Variants in SYN2 observed in about 807,000 individuals in gnomAD.
SYN2 encodes synapsin-2.
Under a neutral mutation model 50.9 loss-of-function variants are expected in SYN2, and 19 were observed. That is an observed-to-expected ratio of 0.37 (90% CI 0.26 to 0.55). SYN2 has a LOEUF of 0.55. SYN2 is among the 20% of genes least tolerant of loss of function. SYN2 has a pLI of 0.81. For missense variants in SYN2, 587 were observed against 576.4 expected, an observed-to-expected ratio of 1.02 and a Z score of -0.19; for synonymous variants, 255 against 224.9, an observed-to-expected ratio of 1.13 and a Z score of -1.20.
intron 1 of SYN2, among the ~76,000 whole-genome samples, chr3:12,047,103 T>C (rs769648168): frequency 1.3e-5 from 2 of 152,158 alleles, no homozygotes; most frequent in Non-Finnish European, 2.9e-5. Context: ...ATATTAATGT[T>C]CCAATTATGT....
chr3:12,055,950 C>A (rs1694979200), intron 1 of SYN2, among the ~76,000 whole-genome samples: 1 of 152,144 alleles, frequency 6.6e-6, no homozygotes, highest in Admixed American at 6.5e-5. Context: ...GGAGTCTGAT[C>A]AAGCCTCTGC....
rs780525698 is a variant in SYN2 at position 12,141,908 on chromosome 3, G to A, written c.439G>A (p.Glu147Lys). The change falls in exon 3 of 13, where the codon GAA (glutamate) becomes AAA (lysine). Residue 147 changes from glutamate (E) to lysine (K), a missense_variant. By Grantham distance (56) the Glu-to-Lys change is moderately conservative. Coordinates refer to ENST00000621198, the MANE Select transcript of SYN2 (RefSeq NM_133625.6). ...GDYDIKVEQA[E>K]FSELNLVAHA... Reference sequence around the variant, plus strand: ...TTCCCCTGTTATTATTTTCCAGGCAGAATTTTCAGAGCTCAACCTGGTGGC... The same window carrying A: ...TTCCCCTGTTATTATTTTCCAGGCAAAATTTTCAGAGCTCAACCTGGTGGC... 1 of 780,860 alleles carries A rather than the reference G, an allele frequency of 1.3e-6. No homozygotes were observed. Among genetic ancestry groups the A allele is most frequent in the African/African-American group, 1.7e-5 (1 of 59,266 alleles). 48.4% of individuals were successfully genotyped at this position (780,860 alleles called of 1,614,324 possible). A position where few individuals can be genotyped will look rare whatever the true frequency, so the allele number is the denominator to read the frequency against.
chr3:12,018,107 C>T (rs1574888741), intron 1 of SYN2, among the ~76,000 whole-genome samples: 1 of 152,038 alleles, frequency 6.6e-6, no homozygotes, highest in South Asian at 2.1e-4. Context: ...GCTCAAATAG[C>T]CAGGAAGTGA....
intron 5 of SYN2, chr3:12,153,206 A>G (rs1697355253): frequency 1.3e-5 from 6 of 455,104 alleles, no homozygotes; most frequent in Middle Eastern, 6.2e-4. Context: ...AAGACAAAGG[A>G]AAACACATAT....
intron 3 of SYN2, among the ~76,000 whole-genome samples, chr3:12,143,310 G>T (rs961284310): frequency 5.9e-5 from 9 of 152,034 alleles, no homozygotes; most frequent in Non-Finnish European, 1.3e-4. Context: ...AGATTGAGGG[G>T]ATTCATGTAC....
rs960442647 is a variant in SYN2 at position 12,085,389 on chromosome 3, G to A, written c.378-55262G>A. Among the ~76,000 whole-genome samples the A allele has an allele frequency of 2.7e-5, 4 of 148,896 alleles. No individual in the cohort carries two copies. The East Asian group carries it at 5.8e-4, about 22-fold the overall frequency. On this transcript the variant is annotated intron_variant, in intron 1 of 12. Coordinates refer to ENST00000621198, the MANE Select transcript of SYN2 (RefSeq NM_133625.6). ...CACACACACACACACACGCACGCAC[G>A]CACGCACTCGATGTCAGAGCACCTA...
chr3:12,123,456 T>C (rs1418192910), intron 1 of SYN2, among the ~76,000 whole-genome samples: 1 of 152,138 alleles, frequency 6.6e-6, no homozygotes, highest in African/African-American at 2.4e-5. Flanking sequence ...ATTTTCTACT[T>C]AGTTAAGCCT....
chr3:12,099,887 C>T (rs1362636759), intron 1 of SYN2, among the ~76,000 whole-genome samples: 1 of 141,974 alleles, frequency 7.0e-6, no homozygotes, highest in Non-Finnish European at 1.5e-5. Context: ...ATGGCGTGAA[C>T]CCGGGAGGCG....
intron 11 of SYN2, chr3:12,184,214 T>A: frequency 1.0e-6 from 1 of 985,896 alleles, no homozygotes; most frequent in Non-Finnish European, 1.2e-6. Flanking sequence ...AACTATGAGA[T>A]TTTTAAAAAA....
chr3:12,044,181 T>TCACACACA (rs1553610019), intron 1 of SYN2, among the ~76,000 whole-genome samples: 400 of 53,354 alleles, frequency 7.5e-3, no homozygotes, highest in Non-Finnish European at 0.013. Context: ...TCTCTCTCTC[T>TCACACACA]CACACACACA....
chr3:12,095,996 C>G (rs1462043685), intron 1 of SYN2, among the ~76,000 whole-genome samples: 1 of 152,154 alleles, frequency 6.6e-6, no homozygotes, highest in South Asian at 2.1e-4. Context: ...ATCTCCTTCC[C>G]AGCACTTCCT....
At chr3:12,056,637 GATT>G (rs1272376480) in intron 1 of SYN2, among the ~76,000 whole-genome samples, 3 of 152,132 alleles carry the variant, frequency 2.0e-5, no homozygotes, top group African/African-American at 7.2e-5. Context: ...ATTCAAAATG[GATT>G]ATTCTTATTT....
chr3:12,168,281 G>C (rs1427360626), intron 8 of SYN2, 95 bp from the exon 9 acceptor site: 7 of 913,686 alleles, frequency 7.7e-6, no homozygotes, highest in Non-Finnish European at 1.2e-5. Flanking sequence ...ATGGGAGGTG[G>C]GAGAGATGGA....
intron 1 of SYN2, among the ~76,000 whole-genome samples, chr3:12,063,904 G>A (rs1205046507): frequency 2.0e-5 from 3 of 152,140 alleles, no homozygotes; most frequent in East Asian, 3.9e-4. Context: ...TCTGCATCAA[G>A]AAGGTGGAAT....
At position 12,151,339 on chromosome 3, in the gene SYN2, G is replaced by A. The variant is rs946036891; in HGVS notation, c.774+13G>A. 8 of 1,602,844 alleles carry A rather than the reference G, an allele frequency of 5.0e-6. No individual in the cohort carries two copies. Among genetic ancestry groups the A allele is most frequent in the Admixed American group, 3.3e-5 (2 of 59,722 alleles). The stretch of plus-strand genomic sequence containing the variant: ...CCACAAAGAGATGGTAAGTGGCTCA[G>A]TGGGGACATTAGTCTTTCTGCTGTT... On this transcript the variant is annotated intron_variant, in intron 5 of 12. Coordinates refer to ENST00000621198, the MANE Select transcript of SYN2 (RefSeq NM_133625.6).
In SYN2 at chr3:12,110,550, G is replaced by A. The variant is rs376580282; in HGVS notation, c.378-30101G>A. Among the ~76,000 whole-genome samples the A allele has an allele frequency of 2.0e-5, 3 of 152,222 alleles. No homozygotes were observed. The East Asian group carries it at 5.8e-4, about 29-fold the overall frequency. ...CTGCTGTAGCAGAGGTTCTCTGTGA[G>A]AGCCCTGCCCCTGCAGCAGACTTCT... On this transcript the variant is annotated intron_variant, in intron 1 of 12. Coordinates refer to ENST00000621198, the MANE Select transcript of SYN2 (RefSeq NM_133625.6).
intron 4 of SYN2, among the ~76,000 whole-genome samples, chr3:12,146,614 C>T (rs1242059107): frequency 2.0e-5 from 3 of 152,202 alleles, no homozygotes; most frequent in Non-Finnish European, 4.4e-5. Context: ...GCCAGGATTT[C>T]TCTACATCCC....
rs144997912 is a variant in SYN2, at chr3:12,133,757, T to G, written c.378-6894T>G. Among the ~76,000 whole-genome samples the G allele has an allele frequency of 3.1e-3, 472 of 152,362 alleles. 4 individuals are homozygous for G. Among genetic ancestry groups the G allele is most frequent in the South Asian group, 0.013 (65 of 4,832 alleles). ...TAGGCATATCTGACTGTATGATCTC[T>G]CTGCTTAAAATCTTTCAGTATTTTC... On this transcript the variant is annotated intron_variant, in intron 1 of 12. Transcript: ENST00000621198.
chr3:12,090,713 T>C (rs1310019506), intron 1 of SYN2, among the ~76,000 whole-genome samples: 1 of 152,184 alleles, frequency 6.6e-6, no homozygotes, highest in African/African-American at 2.4e-5. Context: ...TGTGAAACTC[T>C]ACTTCCTATT....
Sources: allele counts gnomAD v4.1 joint callset (sites outside exome capture counted in the v4.1 genomes callset), GRCh38; gene constraint gnomAD v4.1.1; transcripts MANE v1.5; gene names NCBI Gene and HGNC (gene_info 2026-07-23, HGNC 2026-07-21).